The following ABL1 variants were observed in gnomAD, a reference collection of about 807,000 sequenced individuals.
ABL1 encodes the protein tyrosine-protein kinase ABL1.
ABL1 carries 11 observed loss-of-function variants against 94.7 expected under a neutral mutation model. That is an observed-to-expected ratio of 0.12 (90% confidence interval 0.07 to 0.19). The LOEUF is 0.19. Among genes scored for constraint, ABL1 ranks in the 10% least tolerant of loss-of-function variants. ABL1 has a pLI of 1.00. For synonymous variants in ABL1, 656 were observed against 622.4 expected (o/e 1.05, Z -0.80); for missense variants, 1,082 against 1,489.4 (o/e 0.73, Z 4.50).
At chr9:130,793,890 T>C (rs1829940321) in intron 1 of ABL1, among the ~76,000 whole-genome samples, 1 of 152,144 alleles carries the variant, frequency 6.6e-6, no homozygotes. Flanking sequence ...ATGAAATCTA[T>C]TGTGAACAGT....
intron 1 of ABL1, among the ~76,000 whole-genome samples, chr9:130,719,594 C>G (rs1237704881): frequency 1.3e-5 from 2 of 152,106 alleles, no homozygotes; most frequent in Non-Finnish European, 2.9e-5. Flanking sequence ...TCACTTTTTT[C>G]AGATCCCTTT....
At position 130,809,847 on chromosome 9, in the gene ABL1, C is replaced by T. The variant is rs34224580; in HGVS notation, c.137-44217C>T. Among the ~76,000 whole-genome samples, 23 of 152,330 alleles carry T rather than the reference C, an allele frequency of 1.5e-4. No individual in the cohort carries two copies. The East Asian group carries it at 4.2e-3, about 28-fold the overall frequency. On this transcript the variant is annotated intron_variant, in intron 1 of 10. Transcript: ENST00000372348. ...AGTCAAGTTGACACATAATGTTAAT[C>T]ATCACAAAAGTCTTGCCTCAATAGT...
intron 1 of ABL1, among the ~76,000 whole-genome samples, chr9:130,815,678 C>T (rs1830275311): frequency 1.3e-5 from 2 of 152,262 alleles, no homozygotes; most frequent in South Asian, 4.1e-4. Context: ...TGTCATATTT[C>T]TGTCTCGCCT....
At chr9:130,785,768 C>A (rs1402379417) in intron 1 of ABL1, among the ~76,000 whole-genome samples, 1 of 151,530 alleles carries the variant, frequency 6.6e-6, no homozygotes, top group African/African-American at 2.4e-5. Context: ...ACTAAAAATA[C>A]AAAAATTAGC....
intron 7 of ABL1, among the ~76,000 whole-genome samples, chr9:130,875,658 G>A (rs112156239): frequency 2.6e-5 from 4 of 152,216 alleles, no homozygotes; most frequent in African/African-American, 9.6e-5. Context: ...TCTGACTTCA[G>A]TATTCCTAGT....
chr9:130,884,840 A>G lies in ABL1; in HGVS notation c.2550A>G (p.Pro850=). 6.2e-7 allele frequency: 1 copy of G among 1,605,190 alleles called. No individual in the cohort carries two copies. The highest frequency in any genetic ancestry group is 8.5e-7 in the Non-Finnish European group (1 of 1,175,166). ...SALGTPAAAE[P]VTPTSKAGSG... ...TAGGGACCCCTGCTGCAGCTGAGCC[A>G]GTGACCCCCACCAGCAAAGCAGGCT... The change falls in exon 11 of 11, where the codon CCA becomes CCG. Residue 850 remains proline (P), a synonymous_variant. Transcript: ENST00000318560. The surrounding 1 kb of genome is among the most constrained non-coding windows in gnomAD (Gnocchi z 5.6).
intron 1 of ABL1, among the ~76,000 whole-genome samples, chr9:130,747,452 C>T (rs1032532738): frequency 1.3e-5 from 2 of 152,030 alleles, no homozygotes; most frequent in South Asian, 2.1e-4. Flanking sequence ...GTTGCTCTGT[C>T]GCCCAGGCTG....
intron 1 of ABL1, among the ~76,000 whole-genome samples, chr9:130,851,545 C>T (rs1398919162): frequency 6.6e-6 from 1 of 151,756 alleles, no homozygotes; most frequent in African/African-American, 2.4e-5. Context: ...GAAGTTTGAT[C>T]AGGTGGGTTC....
At chr9:130,883,818 GT>G in intron 10 of ABL1, 150 bp from the exon 11 acceptor site, 3 of 921,736 alleles carry the variant, frequency 3.3e-6, no homozygotes, top group Non-Finnish European at 3.1e-6. Context: ...CAATTTTTTT[GT>G]TTGTTTGTTT....
intron 1 of ABL1, among the ~76,000 whole-genome samples, chr9:130,770,755 C>T (rs1832241845): frequency 1.3e-5 from 2 of 151,932 alleles, no homozygotes. Flanking sequence ...TTTAAGTTTC[C>T]AAATAATCTG....
rs775581471 is a variant in ABL1 at position 130,801,805 on chromosome 9, C to T, written c.137-52259C>T. Reference sequence around the variant, plus strand: ...TTCTCATCTGTTTAATACCTGTTCCCATACCTGCCCTTTCTCTCTCACTGC... The same window carrying T: ...TTCTCATCTGTTTAATACCTGTTCCTATACCTGCCCTTTCTCTCTCACTGC... On this transcript the variant is annotated intron_variant, in intron 1 of 10. Coordinates refer to the ABL1 transcript ENST00000372348. Among the ~76,000 whole-genome samples the T allele has an allele frequency of 3.8e-4, 58 of 152,218 alleles. 1 individual carries two copies. The highest frequency in any genetic ancestry group is 3.4e-3 in the Middle Eastern group (1 of 294).
chr9:130,751,950 C>G (rs1439163382), intron 1 of ABL1, among the ~76,000 whole-genome samples: 1 of 152,134 alleles, frequency 6.6e-6, no homozygotes, highest in African/African-American at 2.4e-5. Context: ...AGCCTCCGCA[C>G]TATTAGAAAA....
rs1831611593 is a variant in ABL1, at chr9:130,887,596, A to G, written c.*1913A>G. On this transcript the variant is annotated 3_prime_UTR_variant, in exon 11 of 11. Coordinates refer to ENST00000318560, the MANE Select transcript of ABL1 (RefSeq NM_005157.6). ...GGGGTCCAGTGCATTTTGTTTCTGT[A>G]TATGATTCTCTGTGGTTTTTTTTGA... 1 of 231,002 alleles carries G rather than the reference A, an allele frequency of 4.3e-6. No individual in the cohort carries two copies. Among genetic ancestry groups the G allele is most frequent in the South Asian group, 1.8e-4 (1 of 5,458 alleles). 14.3% of individuals were successfully genotyped at this position (231,002 alleles called of 1,614,324 possible).
At chr9:130,777,985 T>C (rs1409913979) in intron 1 of ABL1, among the ~76,000 whole-genome samples, 2 of 130,872 alleles carry the variant, frequency 1.5e-5, no homozygotes, top group African/African-American at 6.0e-5. Context: ...CTCAGGGCTT[T>C]GTGTTGGGAC....
chr9:130,745,987 C>A (rs371360374), intron 1 of ABL1, among the ~76,000 whole-genome samples: 16 of 152,120 alleles, frequency 1.1e-4, no homozygotes, highest in African/African-American at 3.9e-4. Context: ...AGCTGTTATC[C>A]CTTGCCAGTT....
chr9:130,842,350 A>G (rs1303771093), intron 1 of ABL1, among the ~76,000 whole-genome samples: 2 of 152,226 alleles, frequency 1.3e-5, no homozygotes, highest in Non-Finnish European at 2.9e-5. Context: ...AGTATTAGCT[A>G]TTATTCTATC....
intron 1 of ABL1, among the ~76,000 whole-genome samples, chr9:130,838,371 A>G (rs377558644): frequency 1.3e-3 from 197 of 152,354 alleles, no homozygotes; most frequent in African/African-American, 4.6e-3. Flanking sequence ...TTTCTTTTCT[A>G]GAAACCTGAT....
At chr9:130,853,170 CTTT>C (rs11418318) in intron 1 of ABL1, among the ~76,000 whole-genome samples, 6 of 75,336 alleles carry the variant, frequency 8.0e-5, no homozygotes, top group African/African-American at 3.3e-4. Context: ...TTTGACTTTT[CTTT>C]TTTTTTTTTT....
intron 1 of ABL1, among the ~76,000 whole-genome samples, chr9:130,758,110 GGTGCTT>G (rs1250675316): frequency 6.6e-6 from 1 of 152,018 alleles, no homozygotes; most frequent in Admixed American, 6.6e-5. Flanking sequence ...TATCGGACTG[GGTGCTT>G]GACATATATT....
Sources: allele counts gnomAD v4.1 joint callset (sites outside exome capture counted in the v4.1 genomes callset), GRCh38; gene constraint gnomAD v4.1.1; non-coding constraint Gnocchi (gnomAD v3.1); transcripts MANE v1.5; gene names NCBI Gene and HGNC (gene_info 2026-07-23, HGNC 2026-07-21).